Variants in CDH7 observed in about 807,000 individuals in gnomAD.
CDH7 encodes the protein cadherin 7, also known as cadherin-7.
A neutral mutation model predicts 71.8 loss-of-function variants in CDH7; 25 were observed. That is an observed-to-expected ratio of 0.35 (90% CI 0.25 to 0.49). The LOEUF (loss-of-function observed/expected upper bound fraction) is 0.49. Ranked by LOEUF, CDH7 falls within the 20% of genes least tolerant of loss-of-function variation. The pLI is 0.99. For synonymous variants in CDH7, 381 were observed against 363.8 expected (o/e 1.05, Z -0.54); for missense variants, 862 against 974.6 (o/e 0.88, Z 1.54).
At chr18:65,849,399 CTTTTCTTTTCT>C (rs1913061970) in intron 7 of CDH7, among the ~76,000 whole-genome samples, 2 of 105,598 alleles carry the variant, frequency 1.9e-5, no homozygotes, top group African/African-American at 4.2e-5. Context: ...CTTTTCTTTT[CTTTTCTTTTCT>C]TTTCTTTTCT....
chr18:65,839,645 A>C (rs1402579148), intron 6 of CDH7, among the ~76,000 whole-genome samples: 2 of 152,234 alleles, frequency 1.3e-5, no homozygotes, highest in African/African-American at 2.4e-5. Flanking sequence ...AATGTAAAAA[A>C]GTTTTATTAC....
At chr18:65,827,876 T>G (rs1045884097) in intron 6 of CDH7, among the ~76,000 whole-genome samples, 1 of 151,860 alleles carries the variant, frequency 6.6e-6, no homozygotes. Flanking sequence ...CTGTTTGAAA[T>G]AGATAAAGAT....
chr18:65,850,189 A>ATATATATATAT (rs373950984), intron 7 of CDH7, among the ~76,000 whole-genome samples: 3 of 143,828 alleles, frequency 2.1e-5, no homozygotes, highest in African/African-American at 2.6e-5. Context: ...TATATATATA[A>ATATATATATAT]AATTAAATAC....
intron 2 of CDH7, among the ~76,000 whole-genome samples, chr18:65,805,413 G>A (rs970732055): frequency 6.6e-6 from 1 of 152,164 alleles, no homozygotes; most frequent in African/African-American, 2.4e-5. Context: ...CGAGGCCTGG[G>A]AGATAGTATG....
At chr18:65,798,137 TAAAG>T (rs1325015882) in intron 2 of CDH7, among the ~76,000 whole-genome samples, 1 of 152,152 alleles carries the variant, frequency 6.6e-6, no homozygotes, top group East Asian at 1.9e-4. Context: ...TCTTCTCAAA[TAAAG>T]AACACCAGAA....
chr18:65,754,592 A>G lies in CDH7; in HGVS notation c.-197+3442A>G, dbSNP rs143212673. Among the ~76,000 whole-genome samples, 446 of 152,326 alleles carry G rather than the reference A, an allele frequency of 2.9e-3. 4 individuals are homozygous for G. The highest frequency in any genetic ancestry group is 0.01 in the African/African-American group (434 of 41,572). Reference sequence around the variant, plus strand: ...AACAAATTAATGTTAGTATATTACTATACTAGAAACTGAAGATAGCAACAT... The same window carrying G: ...AACAAATTAATGTTAGTATATTACTGTACTAGAAACTGAAGATAGCAACAT... On this transcript the variant is annotated intron_variant, in intron 1 of 11. Coordinates refer to ENST00000397968, the MANE Select transcript of CDH7 (RefSeq NM_004361.5).
At chr18:65,837,628 T>C (rs899321039) in intron 6 of CDH7, among the ~76,000 whole-genome samples, 2 of 152,118 alleles carry the variant, frequency 1.3e-5, no homozygotes, top group African/African-American at 4.8e-5. Context: ...AAAAAAGATT[T>C]ACAATGACGA....
Position 65,886,818 on chromosome 18 carries a change from C to T in CDH7, c.*5924C>T, listed in dbSNP as rs17075447. On this transcript the variant is annotated 3_prime_UTR_variant, in exon 12 of 12. Transcript: ENST00000397968. Reference sequence around the variant, plus strand: ...TGCAATGCACTCTTGATGACTCAAACTCACTTATATCTTACAACAGCTCAT... The same window carrying T: ...TGCAATGCACTCTTGATGACTCAAATTCACTTATATCTTACAACAGCTCAT... The T allele has an allele frequency of 6.6e-6, 1 of 152,102 alleles. No individual in the cohort carries two copies. Among genetic ancestry groups the T allele is most frequent in the Admixed American group, 6.6e-5 (1 of 15,262 alleles). 9.4% of individuals were successfully genotyped at this position (152,102 alleles called of 1,614,324 possible). A position where few individuals can be genotyped will look rare whatever the true frequency, so the allele number is the denominator to read the frequency against.
intron 2 of CDH7, among the ~76,000 whole-genome samples, chr18:65,796,448 C>G (rs1372839192): frequency 6.6e-6 from 1 of 152,204 alleles, no homozygotes; most frequent in South Asian, 2.1e-4. Context: ...ACACCCAGAA[C>G]TCAGTCTCCC....
At chr18:65,879,237 T>C (rs550716329) in intron 11 of CDH7, among the ~76,000 whole-genome samples, 1 of 152,290 alleles carries the variant, frequency 6.6e-6, no homozygotes, top group South Asian at 2.1e-4. Context: ...AAAGTGTTCC[T>C]AATGCCAAAG....
rs1914215831 is a variant in CDH7, at chr18:65,881,034, A to C, written c.*140A>C. ...GACAGATGGTTGTAAATATTTCTCC[A>C]TTTTTAATTGTTTAGATTTCTGCCT... On this transcript the variant is annotated 3_prime_UTR_variant, in exon 12 of 12. Transcript: ENST00000397968. The C allele has an allele frequency of 1.2e-6, 1 of 860,008 alleles. No individual in the cohort carries two copies. Among genetic ancestry groups the C allele is most frequent in the African/African-American group, 1.7e-5 (1 of 58,850 alleles). 53.3% of individuals were successfully genotyped at this position (860,008 alleles called of 1,614,324 possible). A position where few individuals can be genotyped will look rare whatever the true frequency, so the allele number is the denominator to read the frequency against.
At chr18:65,842,454 G>A (rs377176720) in intron 6 of CDH7, among the ~76,000 whole-genome samples, 2 of 151,292 alleles carry the variant, frequency 1.3e-5, no homozygotes, top group East Asian at 3.9e-4. Context: ...TAATATTTGT[G>A]TGCAAACATA....
chr18:65,813,627 A>G (rs991847452), intron 3 of CDH7, among the ~76,000 whole-genome samples: 7 of 152,044 alleles, frequency 4.6e-5, no homozygotes, highest in Admixed American at 2.0e-4. Flanking sequence ...GGCTTGTTCC[A>G]TATTTAAAAG....
chr18:65,804,741 A>G (rs1026960740), intron 2 of CDH7, among the ~76,000 whole-genome samples: 2 of 107,756 alleles, frequency 1.9e-5, no homozygotes, highest in African/African-American at 3.0e-5. Flanking sequence ...TGAGAGAGAG[A>G]AAAAGGGAGA....
rs961908650 is a variant in CDH7 at position 65,880,992 on chromosome 18, G to T, written c.*98G>T. The T allele has an allele frequency of 8.3e-5, 98 of 1,174,040 alleles. No individual in the cohort carries two copies. Among genetic ancestry groups the T allele is most frequent in the Non-Finnish European group, 1.1e-4 (96 of 854,472 alleles). The allele number at this position is 1,174,040 out of a possible 1,614,324, so 72.7% of individuals were successfully genotyped here. ...ATAAACCACTACATACAGAAAACAAGAACTCCCCTTGCTGGAGACAGATGG... is the reference window on the plus strand; with the variant it reads ...ATAAACCACTACATACAGAAAACAATAACTCCCCTTGCTGGAGACAGATGG... On this transcript the variant is annotated 3_prime_UTR_variant, in exon 12 of 12. Transcript: ENST00000397968.
Position 65,880,701 on chromosome 18 carries a change from C to T in CDH7, c.2165C>T (p.Pro722Leu). 7 of 1,614,054 alleles carry T rather than the reference C, an allele frequency of 4.3e-6. No individual in the cohort carries two copies. Among genetic ancestry groups the T allele is most frequent in the African/African-American group, 1.3e-5 (1 of 75,004 alleles). Reference protein sequence around the residue: ...WERLKEADVDPGAPPYDSLQT... With the variant: ...WERLKEADVDLGAPPYDSLQT... ...AGATTAAAAGAAGCCGATGTTGATC[C>T]TGGTGCTCCTCCTTATGACTCCCTG... The change falls in exon 12 of 12, where the codon CCT (proline) becomes CTT (leucine). Residue 722 changes from proline to leucine, a missense_variant. Transcript: ENST00000397968.
intron 2 of CDH7, among the ~76,000 whole-genome samples, chr18:65,776,203 C>T (rs1909934074): frequency 6.6e-6 from 1 of 152,022 alleles, no homozygotes; most frequent in Non-Finnish European, 1.5e-5. Context: ...CCTGGGACCA[C>T]AGGTGCACCC....
intron 2 of CDH7, among the ~76,000 whole-genome samples, chr18:65,793,418 C>CAAAAAAAAAAAAAA (rs541826329): frequency 1.1e-5 from 1 of 91,200 alleles, no homozygotes; most frequent in African/African-American, 3.9e-5. Context: ...CACCCAGTCT[C>CAAAAAAAAAAAAAA]AAAAAAAAAA....
intron 6 of CDH7, among the ~76,000 whole-genome samples, chr18:65,825,338 T>A (rs972619152): frequency 6.6e-6 from 1 of 151,894 alleles, no homozygotes; most frequent in Non-Finnish European, 1.5e-5. Context: ...AAGAAAAGCA[T>A]GAAAAGTTGT....
Sources: allele counts gnomAD v4.1 joint callset (sites outside exome capture counted in the v4.1 genomes callset), GRCh38; gene constraint gnomAD v4.1.1; transcripts MANE v1.5; gene names NCBI Gene and HGNC (gene_info 2026-07-23, HGNC 2026-07-21).